The following FARS2 variants were observed in gnomAD, a reference collection of about 807,000 sequenced individuals.
The protein encoded by FARS2 is phenylalanyl-tRNA synthetase 2, mitochondrial, also known as phenylalanine--tRNA ligase, mitochondrial.
In FARS2, 40 loss-of-function variants were observed where a neutral mutation model predicts 46.4. The ratio of observed to expected loss-of-function variants is 0.86; its 90% CI spans 0.67 to 1.12. The LOEUF is 1.12. Ranked by LOEUF, FARS2 falls within the 50% of genes most tolerant of loss-of-function variation. FARS2 has a pLI of 0.00. For missense variants in FARS2, 513 were observed against 567.9 expected, an observed-to-expected ratio of 0.90 and a Z score of 0.98; for synonymous variants, 234 against 214.9, an observed-to-expected ratio of 1.09 and a Z score of -0.78.
intron 6 of FARS2, among the ~76,000 whole-genome samples, chr6:5,649,467 T>C (rs9504466): frequency 0.43 from 65,868 of 152,070 alleles, 14,595 homozygotes; most frequent in Non-Finnish European, 0.47. Context: ...TGGTGACCCT[T>C]GAGGTTTACA....
intron 1 of FARS2, among the ~76,000 whole-genome samples, chr6:5,331,848 C>G (rs1770819536): frequency 6.6e-6 from 1 of 152,154 alleles, no homozygotes; most frequent in East Asian, 1.9e-4. Context: ...ACCTACTGCC[C>G]TACTCTGAAC....
intron 4 of FARS2, among the ~76,000 whole-genome samples, chr6:5,435,270 A>G (rs1763453951): frequency 1.3e-5 from 2 of 152,252 alleles, no homozygotes; most frequent in Non-Finnish European, 2.9e-5. Flanking sequence ...ATAGCAAACA[A>G]AACTTTATTT....
At chr6:5,307,199 G>A (rs9392671) in intron 1 of FARS2, among the ~76,000 whole-genome samples, 27,562 of 152,082 alleles carry the variant, frequency 0.18, 2,998 homozygotes, top group East Asian at 0.48. Flanking sequence ...TCCACATGTT[G>A]TCCAATGGCT....
intron 6 of FARS2, among the ~76,000 whole-genome samples, chr6:5,620,153 C>T (rs1411000268): frequency 6.6e-6 from 1 of 151,808 alleles, no homozygotes. Context: ...TTAGCAGAAT[C>T]CCCGGCCTCT....
chr6:5,463,788 T>C (rs1765371120), intron 4 of FARS2, among the ~76,000 whole-genome samples: 1 of 152,212 alleles, frequency 6.6e-6, no homozygotes, highest in Admixed American at 6.5e-5. Context: ...GGATTCTGCA[T>C]AGTGAGTCCC....
chr6:5,549,147 C>T (rs186114937), intron 5 of FARS2, among the ~76,000 whole-genome samples: 3 of 149,464 alleles, frequency 2.0e-5, no homozygotes, highest in African/African-American at 7.4e-5. Flanking sequence ...TCTGTAGGCT[C>T]TTGGGGGAAT....
intron 4 of FARS2, chr6:5,431,694 T>A (rs1392982848): frequency 1.9e-6 from 1 of 532,716 alleles, no homozygotes; most frequent in African/African-American, 1.9e-5. Context: ...TGAGAGAAAA[T>A]GGAAACACGA....
At chr6:5,488,032 T>C (rs1766884242) in intron 4 of FARS2, among the ~76,000 whole-genome samples, 1 of 152,236 alleles carries the variant, frequency 6.6e-6, no homozygotes, top group South Asian at 2.1e-4. Context: ...TGAAGATTAT[T>C]TCTTTTGGAT....
intron 1 of FARS2, among the ~76,000 whole-genome samples, chr6:5,321,508 T>C (rs1032699862): frequency 1.3e-5 from 2 of 152,244 alleles, no homozygotes; most frequent in Middle Eastern, 6.8e-3. Flanking sequence ...ATAATTTGAG[T>C]GTGGCCTCTG....
chr6:5,474,167 A>G (rs956606220), intron 4 of FARS2, among the ~76,000 whole-genome samples: 1 of 152,224 alleles, frequency 6.6e-6, no homozygotes, highest in African/African-American at 2.4e-5. Flanking sequence ...CTCCAATGGC[A>G]CATGCCGCTG....
At chr6:5,516,937 G>C (rs1373078353) in intron 4 of FARS2, among the ~76,000 whole-genome samples, 7 of 152,104 alleles carry the variant, frequency 4.6e-5, no homozygotes, top group African/African-American at 1.7e-4. Context: ...AAGATGCTTG[G>C]GGTATAAAAA....
chr6:5,701,936 CAT>C (rs1758466460), intron 6 of FARS2, among the ~76,000 whole-genome samples: 1 of 152,138 alleles, frequency 6.6e-6, no homozygotes, highest in African/African-American at 2.4e-5. Flanking sequence ...GCAGCAATAA[CAT>C]AGGTAGAAAA....
intron 4 of FARS2, among the ~76,000 whole-genome samples, chr6:5,537,955 G>A (rs1024373292): frequency 1.3e-5 from 2 of 151,790 alleles, no homozygotes; most frequent in African/African-American, 4.8e-5. Flanking sequence ...GCCCTCTTAG[G>A]AAGATTTTCA....
chr6:5,717,531 C>A (rs906426285), intron 6 of FARS2, among the ~76,000 whole-genome samples: 3 of 152,056 alleles, frequency 2.0e-5, no homozygotes, highest in Non-Finnish European at 1.5e-5. Flanking sequence ...GTTCTTCTAT[C>A]CTCTGTATTG....
chr6:5,441,244 A>G (rs1332659503), intron 4 of FARS2, among the ~76,000 whole-genome samples: 2 of 151,896 alleles, frequency 1.3e-5, no homozygotes. Context: ...TTCTAATGAG[A>G]CTAGAAAGGA....
At chr6:5,582,503 G>A (rs140969289) in intron 5 of FARS2, among the ~76,000 whole-genome samples, 2 of 152,214 alleles carry the variant, frequency 1.3e-5, no homozygotes, top group Non-Finnish European at 2.9e-5. Context: ...TGAGGGAACT[G>A]ACATTTAGAG....
chr6:5,683,605 C>CT lies in FARS2; in HGVS notation c.1217+70296dup, dbSNP rs201642558. 4.3e-3 allele frequency among the ~76,000 whole-genome samples: 624 copies of CT among 146,196 alleles called. 5 individuals carry two copies. The highest frequency in any genetic ancestry group is 0.04 in the South Asian group (182 of 4,562). ...AGTGTTTTTTTGTTTTTGTTTTTTT[C>CT]TTTTTTTTTTTCTTTTACTTTAAGT... On this transcript the variant is annotated intron_variant, in intron 6 of 6. Coordinates refer to ENST00000274680, the MANE Select transcript of FARS2 (RefSeq NM_006567.5).
intron 1 of FARS2, among the ~76,000 whole-genome samples, chr6:5,318,781 G>T (rs1018497447): frequency 2.0e-5 from 3 of 152,146 alleles, no homozygotes; most frequent in African/African-American, 7.2e-5. Flanking sequence ...GGGAGGGGAA[G>T]AGTAGGTCCG....
At chr6:5,649,504 G>T (rs1561776665) in intron 6 of FARS2, among the ~76,000 whole-genome samples, 1 of 152,186 alleles carries the variant, frequency 6.6e-6, no homozygotes, top group Admixed American at 6.5e-5. Context: ...GAGGGTGCAG[G>T]CTGCTGGGGG....
Sources: allele counts gnomAD v4.1 joint callset (sites outside exome capture counted in the v4.1 genomes callset), GRCh38; gene constraint gnomAD v4.1.1; transcripts MANE v1.5; gene names NCBI Gene and HGNC (gene_info 2026-07-23, HGNC 2026-07-21).